MED14: variants seen among roughly 807,000 people sequenced by gnomAD.
The protein encoded by MED14 is mediator complex subunit 14.
MED14 carries 8 observed loss-of-function variants against 109.0 expected under a neutral mutation model. The ratio of observed to expected loss-of-function variants is 0.07; its 90% CI spans 0.04 to 0.13. MED14 has a LOEUF of 0.13. Ranked by LOEUF, MED14 falls within the 10% of genes least tolerant of loss-of-function variation. The pLI, the probability that MED14 is intolerant of heterozygous loss-of-function variation, is 1.00. For missense variants in MED14, 711 were observed against 1,142.4 expected (o/e 0.62, Z 5.44); for synonymous variants, 399 against 408.7 (o/e 0.98, Z 0.29).
intron 21 of MED14, among the ~76,000 whole-genome samples, chrX:40,676,397 G>A (rs371080454): frequency 8.9e-6 from 1 of 112,274 alleles, no homozygotes; most frequent in African/African-American, 3.2e-5. Flanking sequence ...AAGTAACAAA[G>A]ACAAAAAGAA....
At chrX:40,654,777 G>A (rs1928999038) in intron 29 of MED14, among the ~76,000 whole-genome samples, 158 bp downstream of exon 29, 1 of 111,947 alleles carries the variant, frequency 8.9e-6, no homozygotes, top group Admixed American at 9.5e-5. Flanking sequence ...ATTACTAAAG[G>A]AACCAGGATG....
chrX:40,673,239 G>T (rs761555652), intron 22 of MED14, among the ~76,000 whole-genome samples: 3 of 112,450 alleles, frequency 2.7e-5, no homozygotes, highest in African/African-American at 9.7e-5. Context: ...CATGGCAGAT[G>T]AATATTCTTT....
intron 11 of MED14, among the ~76,000 whole-genome samples, chrX:40,702,455 T>C (rs1320763934): frequency 9.4e-6 from 1 of 106,892 alleles, no homozygotes; most frequent in Non-Finnish European, 1.9e-5. Context: ...CACGCCATTC[T>C]CCTGCCTCAG....
chrX:40,735,840 G>A (rs1422635077), upstream of MED14: 4 of 315,802 alleles, frequency 1.3e-5, no homozygotes, highest in Non-Finnish European at 2.5e-5. Flanking sequence ...TGGGGGGCGC[G>A]TGGGAGTGAG....
chrX:40,714,002 C>G, intron 4 of MED14, 95 bp from the exon 5 acceptor site: 1 of 899,249 alleles, frequency 1.1e-6, no homozygotes, highest in Non-Finnish European at 1.5e-6. Context: ...CGTACTTTAC[C>G]TAAGAGAATC....
chrX:40,678,522 C>T (rs1460633766), intron 21 of MED14, among the ~76,000 whole-genome samples: 3 of 111,290 alleles, frequency 2.7e-5, no homozygotes, highest in Admixed American at 9.6e-5. Context: ...AAAATTGCTA[C>T]CTAACCATGT....
chrX:40,697,206 A>C (rs1930752815), intron 12 of MED14, 23 bp from the exon 13 acceptor site: 1 of 1,084,662 alleles, frequency 9.2e-7, no homozygotes, highest in South Asian at 2.0e-5. Flanking sequence ...GTGATAATCC[A>C]CATCAAATCT....
In MED14 at chrX:40,677,460, C is replaced by A. The variant is rs756706960; in HGVS notation, c.2881-2099G>T. Among the ~76,000 whole-genome samples, 156 of 111,165 alleles carry A rather than the reference C, an allele frequency of 1.4e-3. 1 individual carries two copies. Among genetic ancestry groups the A allele is most frequent in the Admixed American group, 2.6e-3 (27 of 10,469 alleles). ...AAAAGAAATCAATACCACACCCCCC[C>A]ACACACAAAAGCAAGGTGAATAAAA... On this transcript the variant is annotated intron_variant, in intron 21 of 30. Transcript: ENST00000324817.
Position 40,723,149 on chromosome X carries a change from A to G in MED14, c.348+3597T>C, listed in dbSNP as rs188923849. On this transcript the variant is annotated intron_variant, in intron 3 of 30. Coordinates refer to ENST00000324817, the MANE Select transcript of MED14 (RefSeq NM_004229.4). ...AAGACTAAATGGTAAACCAACAGGA[A>G]ATCGTAACTACAACAACTTTTGAAG... 7.1e-5 allele frequency among the ~76,000 whole-genome samples: 8 copies of G among 112,296 alleles called. No homozygotes were observed. In the East Asian group the frequency reaches 2.2e-3, roughly 31 times the overall value.
intron 26 of MED14, among the ~76,000 whole-genome samples, chrX:40,661,854 T>A (rs1220436444): frequency 2.7e-5 from 3 of 111,270 alleles, no homozygotes; most frequent in African/African-American, 9.8e-5. Context: ...TTTTAAAAAT[T>A]CAATTGTTCA....
chrX:40,651,399 TCA>T lies in MED14; in HGVS notation c.*405_*406del. On this transcript the variant is annotated 3_prime_UTR_variant, in exon 31 of 31. Coordinates refer to ENST00000324817, the MANE Select transcript of MED14 (RefSeq NM_004229.4). ...AAATACAGCTTCAATATAAAGTTTA[TCA>T]CAGTTTTACAGTATTCAAAAATGAC... 1.5e-5 allele frequency: 11 copies of T among 756,910 alleles called. No homozygotes were observed. The highest frequency in any genetic ancestry group is 1.7e-5 in the Non-Finnish European group (11 of 640,627). 62.4% of individuals were successfully genotyped at this position (756,910 alleles called of 1,213,427 possible).
intron 10 of MED14, 133 bp downstream of exon 10, chrX:40,709,215 T>A (rs998864595): frequency 3.2e-6 from 1 of 314,396 alleles, no homozygotes; most frequent in Non-Finnish European, 5.7e-6. Context: ...AGATCACAAG[T>A]TAAAATGCAG....
In MED14 at chrX:40,701,184, G is replaced by A. The variant is rs756692553; in HGVS notation, c.1471C>T (p.Pro491Ser). Residue 491 changes from proline (P) to serine (S), a missense_variant, in exon 12 of 31, where the codon CCC becomes TCC. Transcript: ENST00000324817. ...SVNDDMKRIIPWIQQLKFWLG... is the reference protein window; with the variant it reads ...SVNDDMKRIISWIQQLKFWLG... ...GCTTACTTAAGTTGCTGAATCCAGG[G>A]TATGATTCGTTTCATATCATCATTC... The A allele has an allele frequency of 8.3e-7, 1 of 1,203,216 alleles. No homozygotes were observed. The highest frequency in any genetic ancestry group is 3.0e-5 in the East Asian group (1 of 33,653).
chrX:40,668,739 A>G (rs1052364436), intron 23 of MED14, among the ~76,000 whole-genome samples: 8 of 112,283 alleles, frequency 7.1e-5, no homozygotes, highest in African/African-American at 2.6e-4. Context: ...TATATGATAA[A>G]GTTTAATTCA....
chrX:40,696,897 C>G, intron 13 of MED14, 127 bp downstream of exon 13: 2 of 582,644 alleles, frequency 3.4e-6, no homozygotes, highest in Non-Finnish European at 5.5e-6. Context: ...ATTCTAAACC[C>G]CTGGGTTTCA....
At position 40,651,595 on chromosome X, in the gene MED14, T is replaced by C; in HGVS notation, c.*211A>G. 2.1e-6 allele frequency: 2 copies of C among 949,222 alleles called. No individual in the cohort carries two copies. Among genetic ancestry groups the C allele is most frequent in the Non-Finnish European group, 2.6e-6 (2 of 755,617 alleles). The allele number at this position is 949,222 out of a possible 1,213,427, so 78.2% of individuals were successfully genotyped here. ...ACTGATTTATTTCCTTTGAAATGTG[T>C]CCCATTTAAACACACTATACAAGTT... is the stretch of plus-strand genomic sequence containing the variant. On this transcript the variant is annotated 3_prime_UTR_variant, in exon 31 of 31. Coordinates refer to ENST00000324817, the MANE Select transcript of MED14 (RefSeq NM_004229.4).
intron 3 of MED14, among the ~76,000 whole-genome samples, chrX:40,726,085 C>T (rs1179790070): frequency 8.9e-6 from 1 of 111,814 alleles, no homozygotes; most frequent in East Asian, 2.8e-4. Flanking sequence ...GCTTCTTGAA[C>T]ATAGCATAAA....
intron 3 of MED14, among the ~76,000 whole-genome samples, chrX:40,724,096 AAAG>A (rs1160870647): frequency 8.9e-6 from 1 of 112,568 alleles, no homozygotes; most frequent in Non-Finnish European, 1.9e-5. Context: ...GAAAAGAGAC[AAAG>A]AAGGTCATTA....
At chrX:40,727,034 A>G (rs1159669081) in intron 2 of MED14, among the ~76,000 whole-genome samples, 183 bp from the exon 3 acceptor site, 3 of 112,274 alleles carry the variant, frequency 2.7e-5, no homozygotes, top group African/African-American at 9.7e-5. Context: ...TTATCTGCAT[A>G]TGCTTTTTCA....
Sources: gnomAD v4.1 joint callset for allele counts (sites outside exome capture counted in the v4.1 genomes callset) on GRCh38, gnomAD v4.1.1 for gene constraint, MANE v1.5 for transcripts, NCBI Gene and HGNC (gene_info 2026-07-23, HGNC 2026-07-21) for gene names.